ADAP1: variants seen among roughly 807,000 people sequenced by gnomAD.
ADAP1 encodes the protein ArfGAP with dual PH domains 1.
In ADAP1, 31 loss-of-function variants were observed where a neutral mutation model predicts 54.9. That is an observed-to-expected ratio of 0.56 (90% CI 0.42 to 0.76). ADAP1 has a LOEUF of 0.76. Ranked by LOEUF, ADAP1 falls within the 30% of genes least tolerant of loss-of-function variation. ADAP1 has a pLI of 0.00. For synonymous variants in ADAP1, 313 were observed against 202.6 expected (o/e 1.55, Z -4.63); for missense variants, 535 against 512.4 (o/e 1.04, Z -0.42).
At chr7:906,758 ACAGG>A (rs1845454875) in intron 4 of ADAP1, among the ~76,000 whole-genome samples, 1 of 16,410 alleles carries the variant, frequency 6.1e-5, no homozygotes, top group Non-Finnish European at 1.2e-4. Flanking sequence ...GGGGACATGG[ACAGG>A]GGACATGGGG....
At chr7:905,003 G>A (rs1845032800) in intron 5 of ADAP1, 57 bp downstream of exon 5, 2 of 1,500,730 alleles carry the variant, frequency 1.3e-6, no homozygotes, top group South Asian at 2.2e-5. Context: ...CCCCAGTGTG[G>A]GAGGCCGGGA....
chr7:901,113 C>A (rs1385902168), intron 6 of ADAP1: 6 of 451,678 alleles, frequency 1.3e-5, no homozygotes, highest in African/African-American at 4.0e-5. Context: ...GGGCAGAGAG[C>A]AAAACTGCTC....
chr7:918,865 G>A (rs531312345), intron 4 of ADAP1, among the ~76,000 whole-genome samples: 1 of 152,306 alleles, frequency 6.6e-6, no homozygotes, highest in African/African-American at 2.4e-5. Flanking sequence ...CCGGCTGGGG[G>A]CTCCAACTCA....
At chr7:907,322 G>A (rs1845511165) in intron 4 of ADAP1, among the ~76,000 whole-genome samples, 1 of 152,148 alleles carries the variant, frequency 6.6e-6, no homozygotes, top group Non-Finnish European at 1.5e-5. Context: ...GCAGAGATAT[G>A]AGGACAGGAG....
chr7:905,529 G>GGGAAA lies in ADAP1; in HGVS notation c.389-358_389-357insTTTCC, dbSNP rs1845158226. On this transcript the variant is annotated intron_variant, in intron 4 of 10. Coordinates refer to ENST00000265846, the MANE Select transcript of ADAP1 (RefSeq NM_006869.4). Reference sequence around the variant, plus strand: ...AGAAGGGAGAAGGGAGAAGGGAGAAGGGAGAAGGGAGAAGGGAGAAGGGAG... The same window carrying GGGAAA: ...AGAAGGGAGAAGGGAGAAGGGAGAAGGGAAAGGAGAAGGGAGAAGGGAGAAGGGAG... 2 of 25,478 alleles carry GGGAAA rather than the reference G, an allele frequency of 7.8e-5. 1 individual carries two copies. The highest frequency in any genetic ancestry group is 1.5e-4 in the Non-Finnish European group (2 of 13,538). 1.6% of individuals were successfully genotyped at this position (25,478 alleles called of 1,614,324 possible).
At chr7:903,082 GGCC>G (rs1844902498) in intron 6 of ADAP1, among the ~76,000 whole-genome samples, 1 of 152,164 alleles carries the variant, frequency 6.6e-6, no homozygotes, top group South Asian at 2.1e-4. Context: ...GAGATCTCCA[GGCC>G]GTGGGAGTCG....
intron 2 of ADAP1, among the ~76,000 whole-genome samples, chr7:930,278 T>C (rs1171083037): frequency 6.6e-6 from 1 of 150,902 alleles, no homozygotes; most frequent in African/African-American, 2.5e-5. Flanking sequence ...AAAATGTTTT[T>C]GGTATCTCAG....
intron 2 of ADAP1, 157 bp downstream of exon 2, chr7:935,218 A>G (rs1846714095): frequency 1.9e-6 from 2 of 1,048,878 alleles, no homozygotes; most frequent in Non-Finnish European, 2.9e-6. Context: ...GAGCCGCTGG[A>G]GAGGGGGCGG....
chr7:920,769 T>A lies in ADAP1; in HGVS notation c.306-719A>T. ...AGAGCCACCCACCACGGCCTCCCCA[T>A]CCACCGTGACTCACTCGAGTGAAGC... On this transcript the variant is annotated intron_variant, in intron 3 of 10. Transcript: ENST00000265846. The surrounding 1 kb of genome is among the most constrained non-coding windows in gnomAD (Gnocchi z 4.5). 1.3e-6 allele frequency: 2 copies of A among 1,546,336 alleles called. No individual in the cohort carries two copies. The highest frequency in any genetic ancestry group is 1.7e-6 in the Non-Finnish European group (2 of 1,144,670).
At position 919,234 on chromosome 7, in the gene ADAP1, C is replaced by T. The variant is rs899904862; in HGVS notation, c.388+734G>A. 2.6e-5 allele frequency among the ~76,000 whole-genome samples: 4 copies of T among 152,356 alleles called. No individual in the cohort carries two copies. The South Asian group carries it at 6.2e-4, about 24-fold the overall frequency. ...CAGCACAGTGTTGCCACACAGAGGA[C>T]GCCCTCACGCCCCTCACCCGGGCCT... is the stretch of plus-strand genomic sequence containing the variant. On this transcript the variant is annotated intron_variant, in intron 4 of 10. Transcript: ENST00000265846.
At chr7:906,430 AGAAAGGAGAAAGGAGAAAGGAGAAAGG>A (rs1562914320) in intron 4 of ADAP1, among the ~76,000 whole-genome samples, 4 of 72,760 alleles carry the variant, frequency 5.5e-5, no homozygotes, top group Non-Finnish European at 8.3e-5. Flanking sequence ...AAGGGAAAGG[AGAAAGGAGAAAGGAGAAAGGAGAAAGG>A]GAAAGGAGAA....
Position 898,394 on chromosome 7 carries a change from G to GTGGA in ADAP1, c.*523_*526dup. Reference sequence around the variant, plus strand: ...AGCCCGGGCAGGGGCCGGGACCTGTGTGGATAATCCACCCAAACACCCCAC... The same window carrying GTGGA: ...AGCCCGGGCAGGGGCCGGGACCTGTGTGGATGGATAATCCACCCAAACACCCCAC... On this transcript the variant is annotated 3_prime_UTR_variant, in exon 11 of 11. Transcript: ENST00000265846. 1 of 187,638 alleles carries GTGGA rather than the reference G, an allele frequency of 5.3e-6. No individual in the cohort carries two copies. Among genetic ancestry groups the GTGGA allele is most frequent in the Non-Finnish European group, 1.1e-5 (1 of 88,884 alleles). The allele number at this position is 187,638 out of a possible 1,614,324, so 11.6% of individuals were successfully genotyped here.
At chr7:904,922 G>C in intron 5 of ADAP1, 138 bp downstream of exon 5, 1 of 746,394 alleles carries the variant, frequency 1.3e-6, no homozygotes, top group Non-Finnish European at 2.2e-6. Flanking sequence ...ACACAGGCCG[G>C]TTCTCCTGGA....
At chr7:931,368 C>T (rs905235163) in intron 2 of ADAP1, among the ~76,000 whole-genome samples, 5 of 152,226 alleles carry the variant, frequency 3.3e-5, no homozygotes, top group African/African-American at 1.2e-4. Flanking sequence ...CAAACGTGTT[C>T]CATCCACACA....
chr7:926,574 C>T lies in ADAP1; in HGVS notation c.284G>A (p.Arg95Gln), dbSNP rs148979654. ...TCACTGGCAGTCGGAGGGCGTGGGC[C>T]GGTAGTAGAAGGAGGGTACTTTGGA... ...FESKVPSFYY[R>Q]PTPSDCQLLR... The change falls in exon 3 of 11, where the codon CGG becomes CAG. Residue 95 changes from arginine to glutamine, a missense_variant. Coordinates refer to ENST00000265846, the MANE Select transcript of ADAP1 (RefSeq NM_006869.4). This position sits in a 1 kb window ranked among gnomAD's most constrained non-coding sequence, Gnocchi z 4.6. 3.4e-5 allele frequency: 53 copies of T among 1,539,778 alleles called. No homozygotes were observed. The highest frequency in any genetic ancestry group is 1.7e-4 in the Admixed American group (8 of 47,616).
rs1210639249 is a variant in ADAP1, at chr7:920,510, C to T, written c.306-460G>A. ...CCGCCCTCCACCCACCGTGCTGCCACCTTGCACCCCCCGTGCCGCCCTCCA... is the reference window on the plus strand; with the variant it reads ...CCGCCCTCCACCCACCGTGCTGCCATCTTGCACCCCCCGTGCCGCCCTCCA... On this transcript the variant is annotated intron_variant, in intron 3 of 10. Transcript: ENST00000265846. The surrounding 1 kb of genome is among the most constrained non-coding windows in gnomAD (Gnocchi z 4.5). Among the ~76,000 whole-genome samples the T allele has an allele frequency of 6.6e-6, 1 of 151,768 alleles. No individual in the cohort carries two copies. The highest frequency in any genetic ancestry group is 1.5e-5 in the Non-Finnish European group (1 of 67,912).
intron 4 of ADAP1, chr7:905,412 GGAGAAA>G (rs1170489177): frequency 2.0e-5 from 3 of 150,594 alleles, no homozygotes; most frequent in Admixed American, 9.6e-5. Flanking sequence ...AAGGAGAAAG[GGAGAAA>G]GAGAAAGGAG....
At position 932,647 on chromosome 7, in the gene ADAP1, C is replaced by A. The variant is rs147087709; in HGVS notation, c.213+2728G>T. Among the ~76,000 whole-genome samples the A allele has an allele frequency of 2.0e-5, 3 of 152,298 alleles. No individual in the cohort carries two copies. The East Asian group carries it at 5.8e-4, about 29-fold the overall frequency. The stretch of plus-strand genomic sequence containing the variant: ...AAGGAAACGGAGGCTCAGACAAGCC[C>A]ACAGCCTGGCGAAGGGATGGATGTC... On this transcript the variant is annotated intron_variant, in intron 2 of 10. Coordinates refer to ENST00000265846, the MANE Select transcript of ADAP1 (RefSeq NM_006869.4).
At chr7:935,236 G>T in intron 2 of ADAP1, 139 bp downstream of exon 2, 1 of 1,253,382 alleles carries the variant, frequency 8.0e-7, no homozygotes, top group Non-Finnish European at 1.1e-6. Context: ...CGGGGTCCTC[G>T]GGTCCAGCCA....
Sources: allele counts gnomAD v4.1 joint callset (sites outside exome capture counted in the v4.1 genomes callset), GRCh38; gene constraint gnomAD v4.1.1; non-coding constraint Gnocchi (gnomAD v3.1); transcripts MANE v1.5; gene names NCBI Gene and HGNC (gene_info 2026-07-23, HGNC 2026-07-21).